Variants in OTUD3 observed in about 807,000 individuals in gnomAD.
The protein encoded by OTUD3 is OTU deubiquitinase 3.
OTUD3 carries 24 observed loss-of-function variants against 46.2 expected under a neutral mutation model. The ratio of observed to expected loss-of-function variants is 0.52; its 90% CI spans 0.38 to 0.73. The LOEUF is 0.73. OTUD3 is among the 30% of genes least tolerant of loss of function. The pLI is 0.00. For missense variants in OTUD3, 455 were observed against 523.3 expected, an observed-to-expected ratio of 0.87 and a Z score of 1.27; for synonymous variants, 189 against 195.4, an observed-to-expected ratio of 0.97 and a Z score of 0.27.
intron 1 of OTUD3, among the ~76,000 whole-genome samples, chr1:19,889,269 T>C (rs965481579): frequency 3.3e-5 from 5 of 151,336 alleles, no homozygotes; most frequent in African/African-American, 1.2e-4. Context: ...ATAGAAGCTG[T>C]CTTAATTCTC....
intron 6 of OTUD3, among the ~76,000 whole-genome samples, chr1:19,905,524 C>G (rs1200672762): frequency 6.6e-6 from 1 of 151,974 alleles, no homozygotes; most frequent in South Asian, 2.1e-4. Flanking sequence ...AGGTGGATCA[C>G]GAGGTCAGGA....
chr1:19,898,906 ACT>A (rs2045552678), intron 4 of OTUD3, among the ~76,000 whole-genome samples: 1 of 151,936 alleles, frequency 6.6e-6, no homozygotes, highest in Non-Finnish European at 1.5e-5. Flanking sequence ...GTCTACGTGG[ACT>A]CCAGCGATCT....
rs79706366 is a variant in OTUD3, at chr1:19,887,896, A to G, written c.222-2489A>G. Among the ~76,000 whole-genome samples the G allele has an allele frequency of 5.0e-4, 76 of 152,356 alleles. 1 individual carries two copies. The highest frequency in any genetic ancestry group is 1.8e-3 in the African/African-American group (75 of 41,584). On this transcript the variant is annotated intron_variant, in intron 1 of 7. Transcript: ENST00000375120. ...TCTGCACATTTACTATTATTACTGC[A>G]GTCTAGAGAGCACGTTAGGTTTTTT... is the stretch of plus-strand genomic sequence containing the variant.
rs2045720736 is a variant in OTUD3 at position 19,910,454 on chromosome 1, T to A, written c.*2708T>A. 2.0e-5 allele frequency: 3 copies of A among 151,984 alleles called. No individual in the cohort carries two copies. Among genetic ancestry groups the A allele is most frequent in the Non-Finnish European group, 4.4e-5 (3 of 67,982 alleles). 9.4% of individuals were successfully genotyped at this position (151,984 alleles called of 1,614,324 possible). ...TGGCAACAGCTTTGAACTAGAGAGG[T>A]AGATGTATTAAAGCAGCATAGAACC... On this transcript the variant is annotated 3_prime_UTR_variant, in exon 8 of 8. Transcript: ENST00000375120.
intron 2 of OTUD3, among the ~76,000 whole-genome samples, chr1:19,892,968 C>G (rs910416517): frequency 6.6e-6 from 1 of 152,172 alleles, no homozygotes; most frequent in African/African-American, 2.4e-5. Flanking sequence ...CTCCACCTCT[C>G]CATCTCAGCA....
chr1:19,906,857 G>A, intron 7 of OTUD3: 1 of 336,632 alleles, frequency 3.0e-6, no homozygotes, highest in South Asian at 5.9e-5. Flanking sequence ...CAAATGAAAA[G>A]CCTCCTTTTC....
intron 2 of OTUD3, among the ~76,000 whole-genome samples, chr1:19,893,045 T>C (rs2100271089): frequency 6.6e-6 from 1 of 152,310 alleles, no homozygotes; most frequent in African/African-American, 2.4e-5. Flanking sequence ...TCTTAGAACA[T>C]CATCCATTTC....
chr1:19,893,437 C>T (rs941497374), intron 2 of OTUD3, among the ~76,000 whole-genome samples: 2 of 152,192 alleles, frequency 1.3e-5, no homozygotes, highest in African/African-American at 4.8e-5. Flanking sequence ...CTGTTGTCCT[C>T]AGGGCATATT....
Position 19,907,813 on chromosome 1 carries a change from T to C in OTUD3, c.*67T>C. 4 of 1,469,358 alleles carry C rather than the reference T, an allele frequency of 2.7e-6. No individual in the cohort carries two copies. Among genetic ancestry groups the C allele is most frequent in the Non-Finnish European group, 3.7e-6 (4 of 1,068,344 alleles). The allele number at this position is 1,469,358 out of a possible 1,614,324, so 91.0% of individuals were successfully genotyped here. On this transcript the variant is annotated 3_prime_UTR_variant, in exon 8 of 8. Coordinates refer to ENST00000375120, the MANE Select transcript of OTUD3 (RefSeq NM_015207.2). ...GATTGCTGTGTGCTAGACTTTCCAG[T>C]GAGGCCGTCCTTTTATAAAACGCAA... is the stretch of plus-strand genomic sequence containing the variant.
Position 19,906,573 on chromosome 1 carries a change from G to C in OTUD3, c.977G>C (p.Ser326Thr), listed in dbSNP as rs562238027. The change falls in exon 7 of 8, where the codon AGC becomes ACC. Residue 326 changes from serine to threonine, a missense_variant. By Grantham distance (58) the Ser-to-Thr change is moderately conservative (BLOSUM62 1). Coordinates refer to ENST00000375120, the MANE Select transcript of OTUD3 (RefSeq NM_015207.2). The stretch of plus-strand genomic sequence containing the variant: ...ACCGAAAACAATAAGGCACAGGCCA[G>C]CCCTAGTGAAGAAAACAAAGCAAAT... ...GRTENNKAQA[S>T]PSEENKANKN... The C allele has an allele frequency of 1.9e-6, 3 of 1,613,284 alleles. No individual in the cohort carries two copies. The East Asian group carries it at 6.7e-5, about 36-fold the overall frequency.
chr1:19,888,123 A>G lies in OTUD3; in HGVS notation c.222-2262A>G, dbSNP rs150025139. ...TCTAGAGACATCTTTGGTTGTCACA[A>G]CTGATGGGGAGGGAGGTAGTGATGT... On this transcript the variant is annotated intron_variant, in intron 1 of 7. Transcript: ENST00000375120. Among the ~76,000 whole-genome samples the G allele has an allele frequency of 3.8e-3, 579 of 152,312 alleles. 1 individual carries two copies. Among genetic ancestry groups the G allele is most frequent in the Non-Finnish European group, 6.3e-3 (429 of 68,024 alleles).
At chr1:19,892,643 C>T (rs538273252) in intron 2 of OTUD3, among the ~76,000 whole-genome samples, 1 of 152,116 alleles carries the variant, frequency 6.6e-6, no homozygotes, top group African/African-American at 2.4e-5. Flanking sequence ...TTCTCTTACC[C>T]GTTCATTACA....
chr1:19,883,692 G>A (rs1180622757), intron 1 of OTUD3, among the ~76,000 whole-genome samples: 5 of 152,020 alleles, frequency 3.3e-5, no homozygotes, highest in African/African-American at 1.2e-4. Context: ...TGTTGCCCAG[G>A]CTGGTCTCGA....
At chr1:19,906,709 T>C in intron 7 of OTUD3, 93 bp downstream of exon 7, 2 of 1,172,802 alleles carry the variant, frequency 1.7e-6, no homozygotes, top group Non-Finnish European at 1.2e-6. Context: ...TGTATTTTCC[T>C]TCTGATTTAT....
chr1:19,882,833 G>T lies in OTUD3; in HGVS notation c.221+99G>T. The T allele has an allele frequency of 1.8e-6, 2 of 1,103,932 alleles. 1 individual carries two copies. Among genetic ancestry groups the T allele is most frequent in the South Asian group, 6.7e-5 (2 of 29,752 alleles). 68.4% of individuals were successfully genotyped at this position (1,103,932 alleles called of 1,614,324 possible). A position where few individuals can be genotyped will look rare whatever the true frequency, so the allele number is the denominator to read the frequency against. ...CGCGTCCATCCATCCATTCATTCGGGCGGCCCGGGCGCCTCCCGCGAGCCA... is the reference window on the plus strand; with the variant it reads ...CGCGTCCATCCATCCATTCATTCGGTCGGCCCGGGCGCCTCCCGCGAGCCA... On this transcript the variant is annotated intron_variant, in intron 1 of 7. Coordinates refer to ENST00000375120, the MANE Select transcript of OTUD3 (RefSeq NM_015207.2).
chr1:19,882,853 G>A (rs2045291150), intron 1 of OTUD3, 119 bp downstream of exon 1: 1 of 917,672 alleles, frequency 1.1e-6, no homozygotes, highest in Non-Finnish European at 1.4e-6. Flanking sequence ...CGCCTCCCGC[G>A]AGCCAGCCAC....
intron 1 of OTUD3, among the ~76,000 whole-genome samples, chr1:19,886,230 C>T (rs1461122334): frequency 1.3e-5 from 2 of 152,146 alleles, no homozygotes; most frequent in Non-Finnish European, 2.9e-5. Flanking sequence ...ACAATATTAA[C>T]ATCCCTCTGA....
chr1:19,906,397 G>A, intron 6 of OTUD3, 35 bp from the exon 7 acceptor site: 3 of 1,601,194 alleles, frequency 1.9e-6, no homozygotes, highest in Middle Eastern at 3.3e-4. Flanking sequence ...TAACTCTCAG[G>A]TTCTCAGTTT....
chr1:19,897,411 A>G (rs2045530808), intron 3 of OTUD3, 129 bp from the exon 4 acceptor site: 4 of 797,550 alleles, frequency 5.0e-6, no homozygotes, highest in Non-Finnish European at 6.0e-6. Flanking sequence ...GACATATCCC[A>G]GGTGTGTTCC....
Sources: gnomAD v4.1 joint callset for allele counts (sites outside exome capture counted in the v4.1 genomes callset) on GRCh38, gnomAD v4.1.1 for gene constraint, MANE v1.5 for transcripts, NCBI Gene and HGNC (gene_info 2026-07-23, HGNC 2026-07-21) for gene names.